PPP2R2A: variants seen among roughly 807,000 people sequenced by gnomAD.
PPP2R2A encodes the protein serine/threonine-protein phosphatase 2A 55 kDa regulatory subunit B alpha isoform.
A neutral mutation model predicts 53.2 loss-of-function variants in PPP2R2A; 9 were observed. That is an observed-to-expected ratio of 0.17 (90% CI 0.10 to 0.30). PPP2R2A has a LOEUF of 0.30. Ranked by LOEUF, PPP2R2A falls within the 10% of genes least tolerant of loss-of-function variation. The pLI, the probability that PPP2R2A is intolerant of heterozygous loss-of-function variation, is 1.00. For missense variants in PPP2R2A, 235 were observed against 534.6 expected (o/e 0.44, Z 5.53); for synonymous variants, 169 against 174.2 (o/e 0.97, Z 0.23).
At chr8:26,366,288 T>C (rs750851162) in intron 8 of PPP2R2A, 27 bp from the exon 9 acceptor site, 5 of 1,549,412 alleles carry the variant, frequency 3.2e-6, no homozygotes, top group Non-Finnish European at 3.5e-6. Flanking sequence ...CTAATTTCAG[T>C]GCAGTATATT....
chr8:26,292,368 C>G, intron 1 of PPP2R2A: 3 of 986,026 alleles, frequency 3.0e-6, no homozygotes, highest in Non-Finnish European at 3.6e-6. Flanking sequence ...AGACTGGAAG[C>G]CTAAATTTTT....
At chr8:26,308,872 A>G (rs2117225210) in intron 2 of PPP2R2A, among the ~76,000 whole-genome samples, 1 of 152,140 alleles carries the variant, frequency 6.6e-6, no homozygotes, top group East Asian at 1.9e-4. Flanking sequence ...ATATATATAT[A>G]TACTTTTTTT....
chr8:26,365,463 C>G (rs1443162570), intron 8 of PPP2R2A: 4 of 152,124 alleles, frequency 2.6e-5, no homozygotes, highest in Non-Finnish European at 5.9e-5. Context: ...TAGATTGTTT[C>G]ATATAGAATA....
chr8:26,340,522 T>C (rs1803888538), intron 3 of PPP2R2A, among the ~76,000 whole-genome samples: 1 of 152,092 alleles, frequency 6.6e-6, no homozygotes, highest in South Asian at 2.1e-4. Context: ...AAAATTGATT[T>C]TGCCCTAGGC....
intron 1 of PPP2R2A, 115 bp from the exon 2 acceptor site, chr8:26,293,551 A>C: frequency 3.1e-6 from 3 of 957,082 alleles, no homozygotes; most frequent in Non-Finnish European, 4.7e-6. Flanking sequence ...TGGTAGTTGT[A>C]TGTGTGGGCA....
At chr8:26,336,980 C>T (rs1803695550) in intron 2 of PPP2R2A, among the ~76,000 whole-genome samples, 1 of 151,962 alleles carries the variant, frequency 6.6e-6, no homozygotes. Flanking sequence ...CTTGACATCT[C>T]CTTACTAAGT....
At chr8:26,369,915 G>A (rs1805584326) in intron 9 of PPP2R2A, among the ~76,000 whole-genome samples, 1 of 152,192 alleles carries the variant, frequency 6.6e-6, no homozygotes, top group Non-Finnish European at 1.5e-5. Flanking sequence ...CAACTTTGCT[G>A]ATAGTTTTGG....
intron 2 of PPP2R2A, among the ~76,000 whole-genome samples, chr8:26,295,805 A>C (rs1190898367): frequency 2.6e-5 from 4 of 152,168 alleles, no homozygotes; most frequent in Non-Finnish European, 4.4e-5. Context: ...ACACTGCTTT[A>C]ATTTGGATAT....
In PPP2R2A at chr8:26,370,539, C is replaced by G; in HGVS notation, c.*126C>G. 1 of 1,054,724 alleles carries G rather than the reference C, an allele frequency of 9.5e-7. No homozygotes were observed. Among genetic ancestry groups the G allele is most frequent in the Non-Finnish European group, 1.4e-6 (1 of 727,790 alleles). The allele number at this position is 1,054,724 out of a possible 1,614,324, so 65.3% of individuals were successfully genotyped here. ...TTCCAGTGTTTGACAGTGTGCCATT[C>G]GACAACACATTGTTATAGCTACATG... On this transcript the variant is annotated 3_prime_UTR_variant, in exon 10 of 10. Transcript: ENST00000380737. The surrounding 1 kb of genome is among the most constrained non-coding windows in gnomAD (Gnocchi z 6.1).
At chr8:26,329,754 A>AG (rs1293360401) in intron 2 of PPP2R2A, among the ~76,000 whole-genome samples, 1 of 152,180 alleles carries the variant, frequency 6.6e-6, no homozygotes, top group Non-Finnish European at 1.5e-5. Context: ...GGGTTTTTTC[A>AG]GGGGATAGAG....
chr8:26,333,956 TC>T (rs2117310228), intron 2 of PPP2R2A, among the ~76,000 whole-genome samples: 1 of 152,282 alleles, frequency 6.6e-6, no homozygotes, highest in East Asian at 1.9e-4. Context: ...AAATTACCAA[TC>T]CCTTGGTTTG....
At position 26,360,286 on chromosome 8, in the gene PPP2R2A, G is replaced by A. The variant is rs1585406282; in HGVS notation, c.459+5G>A. On this transcript the variant is annotated splice_donor_5th_base_variant and intron_variant, in intron 5 of 9. Coordinates refer to ENST00000380737, the MANE Select transcript of PPP2R2A (RefSeq NM_002717.4). The surrounding 1 kb of genome is among the most constrained non-coding windows in gnomAD (Gnocchi z 4.5). ...ACTACAGTTACTACACTACGAGTAA[G>A]TACATAAGAAAAAAATGTCACAGAT... 6.5e-7 allele frequency: 1 copy of A among 1,530,038 alleles called. No homozygotes were observed. Among genetic ancestry groups the A allele is most frequent in the Non-Finnish European group, 9.0e-7 (1 of 1,116,814 alleles). The allele number at this position is 1,530,038 out of a possible 1,614,324, so 94.8% of individuals were successfully genotyped here.
At chr8:26,325,681 A>G (rs1295601418) in intron 2 of PPP2R2A, among the ~76,000 whole-genome samples, 1 of 152,192 alleles carries the variant, frequency 6.6e-6, no homozygotes, top group African/African-American at 2.4e-5. Flanking sequence ...TTGGAAATGT[A>G]TCTTAAAGTT....
intron 2 of PPP2R2A, among the ~76,000 whole-genome samples, chr8:26,301,435 C>G (rs536414453): frequency 6.6e-6 from 1 of 151,266 alleles, no homozygotes; most frequent in Non-Finnish European, 1.5e-5. Flanking sequence ...CAGGCTCAAG[C>G]GATCCTCCTG....
rs992588904 is a variant in PPP2R2A at position 26,338,060 on chromosome 8, C to T, written c.83-830C>T. 4.6e-5 allele frequency among the ~76,000 whole-genome samples: 7 copies of T among 152,156 alleles called. No individual in the cohort carries two copies. The highest frequency in any genetic ancestry group is 1.0e-4 in the Non-Finnish European group (7 of 68,026). ...ATAAAGCTGATTTATTTTAAATGCA[C>T]ATGATAGGGGCTTTTCTAATTCAGC... On this transcript the variant is annotated intron_variant, in intron 2 of 9. Coordinates refer to ENST00000380737, the MANE Select transcript of PPP2R2A (RefSeq NM_002717.4). The surrounding 1 kb of genome is among the most constrained non-coding windows in gnomAD (Gnocchi z 4.5).
chr8:26,294,667 A>G (rs1801465429), intron 2 of PPP2R2A, among the ~76,000 whole-genome samples: 3 of 151,940 alleles, frequency 2.0e-5, no homozygotes, highest in Admixed American at 2.0e-4. Flanking sequence ...TTTTCCCTAG[A>G]TTGTGTTGTC....
intron 8 of PPP2R2A, chr8:26,364,965 T>C (rs1297599323): frequency 6.6e-6 from 1 of 152,164 alleles, no homozygotes; most frequent in Admixed American, 6.5e-5. Context: ...TCGTGTATAC[T>C]GAAAAAAGAC....
At chr8:26,331,721 T>A (rs1803386339) in intron 2 of PPP2R2A, among the ~76,000 whole-genome samples, 1 of 152,188 alleles carries the variant, frequency 6.6e-6, no homozygotes. Context: ...TACGTGCTCT[T>A]TACACAAATG....
Position 26,370,578 on chromosome 8 carries a change from G to A in PPP2R2A, c.*165G>A, listed in dbSNP as rs1181986941. ...TATAGCTACATGGAGAAAGCTCTGT[G>A]GATTCATCACTGTGGTGTTCTCCAT... On this transcript the variant is annotated 3_prime_UTR_variant, in exon 10 of 10. Coordinates refer to ENST00000380737, the MANE Select transcript of PPP2R2A (RefSeq NM_002717.4). The surrounding 1 kb of genome is among the most constrained non-coding windows in gnomAD (Gnocchi z 6.1). 2 of 786,266 alleles carry A rather than the reference G, an allele frequency of 2.5e-6. No homozygotes were observed. The highest frequency in any genetic ancestry group is 5.7e-5 in the Admixed American group (2 of 35,238). The allele number at this position is 786,266 out of a possible 1,614,324, so 48.7% of individuals were successfully genotyped here.
Sources: gnomAD v4.1 joint callset for allele counts (sites outside exome capture counted in the v4.1 genomes callset) on GRCh38, gnomAD v4.1.1 for gene constraint, Gnocchi (gnomAD v3.1) non-coding constraint, MANE v1.5 for transcripts, NCBI Gene and HGNC (gene_info 2026-07-23, HGNC 2026-07-21) for gene names.